Variants in MSRB3 observed in about 807,000 individuals in gnomAD.
MSRB3 encodes the protein methionine sulfoxide reductase B3.
Under a neutral mutation model 21.0 loss-of-function variants are expected in MSRB3, and 13 were observed. That is an observed-to-expected ratio of 0.62 (90% CI 0.40 to 0.98). The LOEUF (loss-of-function observed/expected upper bound fraction) is 0.98, where lower values mean the gene tolerates loss of function less well. MSRB3 is among the 50% of genes least tolerant of loss of function. The probability of loss-of-function intolerance (pLI) is 0.00; values close to 1 mark genes in which losing one functional copy is unlikely to be tolerated. For missense variants in MSRB3, 199 were observed against 230.3 expected, an observed-to-expected ratio of 0.86 and a Z score of 0.88; for synonymous variants, 87 against 88.6, an observed-to-expected ratio of 0.98 and a Z score of 0.10.
At chr12:65,342,255 G>A (rs1042500076) in intron 4 of MSRB3, among the ~76,000 whole-genome samples, 1 of 150,284 alleles carries the variant, frequency 6.7e-6, no homozygotes, top group Non-Finnish European at 1.5e-5. Flanking sequence ...AAAAATATAT[G>A]CAATCCATTT....
Position 65,308,515 on chromosome 12 carries a change from T to A in MSRB3, c.-51-14T>A. 1 of 1,613,308 alleles carries A rather than the reference T, an allele frequency of 6.2e-7. No individual in the cohort carries two copies. Among genetic ancestry groups the A allele is most frequent in the Non-Finnish European group, 8.5e-7 (1 of 1,179,600 alleles). On this transcript the variant is annotated splice_polypyrimidine_tract_variant and intron_variant, in intron 1 of 6. Coordinates refer to ENST00000308259, the MANE Select transcript of MSRB3 (RefSeq NM_001031679.3). ...TTTAATTTGATTTTTGTTTTTGTTT[T>A]TTCTCCTACTCAGCTCTTGCCCCTG...
intron 5 of MSRB3, among the ~76,000 whole-genome samples, chr12:65,433,033 A>G (rs1592633589): frequency 6.6e-6 from 1 of 152,048 alleles, no homozygotes; most frequent in Non-Finnish European, 1.5e-5. Flanking sequence ...GGAATGTAAA[A>G]TGGTACACTT....
intron 5 of MSRB3, among the ~76,000 whole-genome samples, chr12:65,379,134 A>G (rs867683396): frequency 6.6e-6 from 1 of 152,118 alleles, no homozygotes; most frequent in Non-Finnish European, 1.5e-5. Flanking sequence ...CTTATGACTT[A>G]AATTTAATTG....
At position 65,419,371 on chromosome 12, in the gene MSRB3, T is replaced by C. The variant is rs2136640050; in HGVS notation, c.293-34357T>C. The C allele has an allele frequency of 4.0e-6, 3 of 755,104 alleles. No homozygotes were observed. In the East Asian group the frequency reaches 7.3e-5, roughly 18 times the overall value. The allele number at this position is 755,104 out of a possible 1,614,324, so 46.8% of individuals were successfully genotyped here. ...TTGTAGGCCTTTTACTTCCTCTTCA[T>C]GGTTCTTCTTCATTAAGAGCAGCTC... On this transcript the variant is annotated intron_variant, in intron 5 of 6. Transcript: ENST00000308259.
intron 6 of MSRB3, among the ~76,000 whole-genome samples, chr12:65,462,600 C>T (rs1458311016): frequency 6.6e-6 from 1 of 152,200 alleles, no homozygotes; most frequent in Non-Finnish European, 1.5e-5. Flanking sequence ...GCTACATTTG[C>T]AGCCCTGGTG....
At chr12:65,343,947 G>T (rs1047446004) in intron 4 of MSRB3, among the ~76,000 whole-genome samples, 1 of 152,060 alleles carries the variant, frequency 6.6e-6, no homozygotes, top group African/African-American at 2.4e-5. Context: ...GAGGTTTAAA[G>T]TCACAACTTT....
chr12:65,408,157 C>A (rs988958007), intron 5 of MSRB3, among the ~76,000 whole-genome samples: 4 of 151,832 alleles, frequency 2.6e-5, no homozygotes, highest in Admixed American at 2.6e-4. Context: ...TGCAATGGTG[C>A]GATCTCAGCT....
intron 2 of MSRB3, among the ~76,000 whole-genome samples, chr12:65,313,550 C>T (rs1874112127): frequency 6.6e-6 from 1 of 152,050 alleles, no homozygotes; most frequent in Non-Finnish European, 1.5e-5. Flanking sequence ...GTTAAGTCTT[C>T]TGAAACTCTT....
chr12:65,419,421 C>A, intron 5 of MSRB3: 1 of 749,672 alleles, frequency 1.3e-6, no homozygotes, highest in South Asian at 1.4e-5. Flanking sequence ...CGATCTCTGT[C>A]TTCAGCTGCA....
In MSRB3 at chr12:65,327,063, C is replaced by T. The variant is rs980963391; in HGVS notation, c.185+129C>T. On this transcript the variant is annotated intron_variant, in intron 3 of 6. Coordinates refer to ENST00000308259, the MANE Select transcript of MSRB3 (RefSeq NM_001031679.3). ...CTTGCTAAAGTCTATGAATTAGTAT[C>T]CTTGAAAAGGTTAAAATGGTGTTGT... The T allele has an allele frequency of 5.5e-6, 4 of 725,528 alleles. No individual in the cohort carries two copies. In the African/African-American group the frequency reaches 7.1e-5, roughly 13 times the overall value. The allele number at this position is 725,528 out of a possible 1,614,324, so 44.9% of individuals were successfully genotyped here.
At chr12:65,417,998 G>A (rs574382580) in intron 5 of MSRB3, among the ~76,000 whole-genome samples, 25 of 152,320 alleles carry the variant, frequency 1.6e-4, no homozygotes, top group Non-Finnish European at 3.4e-4. Flanking sequence ...TATGTACTCA[G>A]TAGTGGGTTG....
intron 5 of MSRB3, among the ~76,000 whole-genome samples, chr12:65,452,644 T>C (rs1250952652): frequency 6.6e-6 from 1 of 152,172 alleles, no homozygotes; most frequent in African/African-American, 2.4e-5. Flanking sequence ...CTATCAATAC[T>C]ATACTCTTGC....
chr12:65,368,934 C>T, intron 4 of MSRB3, 64 bp from the exon 5 acceptor site: 2 of 654,416 alleles, frequency 3.1e-6, no homozygotes, highest in Non-Finnish European at 5.2e-6. Context: ...CCCCCCCCCC[C>T]CATGAAATAA....
intron 2 of MSRB3, among the ~76,000 whole-genome samples, chr12:65,321,987 A>C (rs888796622): frequency 5.9e-5 from 9 of 152,178 alleles, no homozygotes; most frequent in Admixed American, 3.3e-4. Context: ...TGATTCTAGA[A>C]CCAAAATTAA....
chr12:65,291,680 A>T (rs953801379), intron 1 of MSRB3, among the ~76,000 whole-genome samples: 4 of 152,156 alleles, frequency 2.6e-5, no homozygotes, highest in African/African-American at 9.7e-5. Context: ...CCTCATTCTC[A>T]GGGTCTTTCG....
chr12:65,410,483 A>C lies in MSRB3; in HGVS notation c.292+41457A>C, dbSNP rs554063151. ...AGAGTGAAACCCTGTCTCTACAAAA[A>C]AATACAAAAAATTAGCTGAGTGTCG... On this transcript the variant is annotated intron_variant, in intron 5 of 6. Transcript: ENST00000308259. Among the ~76,000 whole-genome samples the C allele has an allele frequency of 2.0e-5, 3 of 152,240 alleles. No homozygotes were observed. The East Asian group carries it at 5.8e-4, about 29-fold the overall frequency.
chr12:65,305,805 G>T (rs969810393), intron 1 of MSRB3, among the ~76,000 whole-genome samples: 9 of 152,174 alleles, frequency 5.9e-5, no homozygotes, highest in African/African-American at 2.2e-4. Context: ...AACCTATCAA[G>T]TAGTGGTTTT....
At chr12:65,368,943 A>C in intron 4 of MSRB3, 55 bp from the exon 5 acceptor site, 2 of 513,864 alleles carry the variant, frequency 3.9e-6, no homozygotes, top group Non-Finnish European at 7.1e-6. Flanking sequence ...CCCATGAAAT[A>C]ATTGTTCTTT....
At chr12:65,298,908 A>G (rs1273866269) in intron 1 of MSRB3, among the ~76,000 whole-genome samples, 1 of 152,194 alleles carries the variant, frequency 6.6e-6, no homozygotes, top group African/African-American at 2.4e-5. Context: ...TTATAGTCCC[A>G]GGCATAGGAT....
Sources: gnomAD v4.1 joint callset for allele counts (sites outside exome capture counted in the v4.1 genomes callset) on GRCh38, gnomAD v4.1.1 for gene constraint, MANE v1.5 for transcripts, NCBI Gene and HGNC (gene_info 2026-07-23, HGNC 2026-07-21) for gene names.